GLRX3: variants seen among roughly 807,000 people sequenced by gnomAD.
GLRX3 encodes the protein glutaredoxin-3.
A neutral mutation model predicts 49.5 loss-of-function variants in GLRX3; 22 were observed. That is an observed-to-expected ratio of 0.44 (90% confidence interval 0.32 to 0.63). The LOEUF is 0.63. GLRX3 is among the 30% of genes least tolerant of loss of function. The probability of loss-of-function intolerance (pLI) is 0.05; values close to 1 mark genes in which losing one functional copy is unlikely to be tolerated. For synonymous variants in GLRX3, 133 were observed against 140.0 expected (o/e 0.95, Z 0.35); for missense variants, 385 against 396.3 (o/e 0.97, Z 0.24).
At chr10:130,173,988 A>G (rs1354802307) in intron 8 of GLRX3, among the ~76,000 whole-genome samples, 2 of 152,180 alleles carry the variant, frequency 1.3e-5, no homozygotes, top group Non-Finnish European at 2.9e-5. Context: ...TTGCACCTGT[A>G]CCCTCAGGCA....
chr10:130,154,687 A>G (rs761509522), intron 2 of GLRX3, among the ~76,000 whole-genome samples: 2 of 151,996 alleles, frequency 1.3e-5, no homozygotes, highest in Non-Finnish European at 2.9e-5. Context: ...CAGTGCCATC[A>G]TTGGTAAGTG....
rs147733671 is a variant in GLRX3, at chr10:130,153,081, C to T, written c.202-6914C>T. ...CTTCCATCACTGATATCCTTTTTTC[C>T]GCTTGATCGAATCGGCTATTGAAGC... On this transcript the variant is annotated intron_variant, in intron 2 of 10. Transcript: ENST00000331244. Among the ~76,000 whole-genome samples, 6 of 152,002 alleles carry T rather than the reference C, an allele frequency of 3.9e-5. No individual in the cohort carries two copies. In the East Asian group the frequency reaches 5.8e-4, roughly 15 times the overall value.
chr10:130,149,849 C>A (rs1452248777), intron 2 of GLRX3, among the ~76,000 whole-genome samples: 6 of 145,318 alleles, frequency 4.1e-5, no homozygotes, highest in African/African-American at 1.5e-4. Context: ...TCTATATTGT[C>A]ATTTAATTCC....
chr10:130,173,959 C>T (rs1282339154), intron 8 of GLRX3, among the ~76,000 whole-genome samples: 1 of 152,084 alleles, frequency 6.6e-6, no homozygotes, highest in East Asian at 1.9e-4. Context: ...GTAGCATTTT[C>T]TTTGGCCACC....
intron 2 of GLRX3, among the ~76,000 whole-genome samples, chr10:130,151,376 A>T (rs941428077): frequency 4.6e-5 from 7 of 152,126 alleles, no homozygotes; most frequent in African/African-American, 1.7e-4. Flanking sequence ...ACTTTTTTTT[A>T]AAATTATTAT....
At chr10:130,145,774 A>G (rs1237493577) in intron 2 of GLRX3, among the ~76,000 whole-genome samples, 2 of 152,036 alleles carry the variant, frequency 1.3e-5, no homozygotes, top group Non-Finnish European at 1.5e-5. Flanking sequence ...ATTTTTGCAC[A>G]TCATTCTTAA....
chr10:130,180,023 C>G (rs1377994567), downstream of GLRX3: 1 of 151,482 alleles, frequency 6.6e-6, no homozygotes, highest in Non-Finnish European at 1.5e-5. Context: ...GCACTTTTTT[C>G]ATAAGGTCTA....
At chr10:130,174,267 C>A (rs1037783678) in intron 8 of GLRX3, among the ~76,000 whole-genome samples, 1 of 152,226 alleles carries the variant, frequency 6.6e-6, no homozygotes, top group Non-Finnish European at 1.5e-5. Flanking sequence ...GCTGCTGAGC[C>A]CTCCAGCCTC....
chr10:130,162,677 T>C (rs1173590274), intron 4 of GLRX3, among the ~76,000 whole-genome samples: 2 of 152,202 alleles, frequency 1.3e-5, no homozygotes, highest in Non-Finnish European at 2.9e-5. Context: ...GCAGTCTCAG[T>C]CTTTTCTGAA....
rs149127307 is a variant in GLRX3 at position 130,147,095 on chromosome 10, A to G, written c.201+1776A>G. 2.1e-3 allele frequency among the ~76,000 whole-genome samples: 321 copies of G among 152,342 alleles called. 1 individual carries two copies. Among genetic ancestry groups the G allele is most frequent in the African/African-American group, 7.6e-3 (318 of 41,582 alleles). On this transcript the variant is annotated intron_variant, in intron 2 of 10. Coordinates refer to ENST00000331244, the MANE Select transcript of GLRX3 (RefSeq NM_006541.5). ...TAGGGCAGATGTGAATATAGTGATT[A>G]GCTTTTTAAAATTTAAGGACTTATT... is the stretch of plus-strand genomic sequence containing the variant.
chr10:130,176,520 C>T (rs558199703), intron 10 of GLRX3, among the ~76,000 whole-genome samples: 1 of 152,296 alleles, frequency 6.6e-6, no homozygotes, highest in East Asian at 1.9e-4. Flanking sequence ...AAAAACAAAG[C>T]TTGAGTTCCA....
chr10:130,171,045 T>G (rs919684179), intron 7 of GLRX3, among the ~76,000 whole-genome samples: 1 of 151,918 alleles, frequency 6.6e-6, no homozygotes, highest in African/African-American at 2.4e-5. Flanking sequence ...GGAGAATCGC[T>G]TGAACCTGGG....
At chr10:130,178,367 G>T (rs375219259) in intron 10 of GLRX3, among the ~76,000 whole-genome samples, 1 of 151,916 alleles carries the variant, frequency 6.6e-6, no homozygotes, top group Non-Finnish European at 1.5e-5. Flanking sequence ...CAATTTTCAT[G>T]CCTCAGCCTC....
intron 3 of GLRX3, 50 bp from the exon 4 acceptor site, chr10:130,160,746 T>A (rs1440599037): frequency 9.8e-7 from 1 of 1,025,302 alleles, no homozygotes; most frequent in Non-Finnish European, 1.5e-6. Context: ...TATAACAATG[T>A]CATTATTATG....
At chr10:130,157,646 C>T (rs923009524) in intron 2 of GLRX3, among the ~76,000 whole-genome samples, 30 of 151,784 alleles carry the variant, frequency 2.0e-4, no homozygotes, top group Non-Finnish European at 3.8e-4. Context: ...TCTCTTAACC[C>T]AGTCAAGTTG....
At chr10:130,141,610 T>C (rs1487688235) in intron 1 of GLRX3, among the ~76,000 whole-genome samples, 1 of 152,234 alleles carries the variant, frequency 6.6e-6, no homozygotes, top group African/African-American at 2.4e-5. Flanking sequence ...TCACATATTT[T>C]CAAGCTTCAT....
At chr10:130,172,817 C>T (rs1014551816) in intron 8 of GLRX3, among the ~76,000 whole-genome samples, 2 of 152,060 alleles carry the variant, frequency 1.3e-5, no homozygotes, top group Non-Finnish European at 2.9e-5. Flanking sequence ...TGGCGCACGC[C>T]TATAATCCCA....
Position 130,174,886 on chromosome 10 carries a change from G to A in GLRX3, c.844G>A (p.Asp282Asn), listed in dbSNP as rs751236022. Residue 282 changes from aspartate (D) to asparagine (N), a missense_variant, in exon 9 of 11, where the codon GAT becomes AAT. By Grantham distance (23) the Asp-to-Asn change is conservative (BLOSUM62 1). Coordinates refer to ENST00000331244, the MANE Select transcript of GLRX3 (RefSeq NM_006541.5). The part of the protein sequence containing the change: ...NSTGVEYETF[D>N]ILEDEEVRQG... Reference sequence around the variant, plus strand: ...TTGCAGTGTTGAATATGAAACATTCGATATATTGGAGGATGAAGAAGTAAG... The same window carrying A: ...TTGCAGTGTTGAATATGAAACATTCAATATATTGGAGGATGAAGAAGTAAG... 7 of 1,596,984 alleles carry A rather than the reference G, an allele frequency of 4.4e-6. No homozygotes were observed. The highest frequency in any genetic ancestry group is 1.1e-5 in the South Asian group (1 of 90,690).
intron 1 of GLRX3, among the ~76,000 whole-genome samples, chr10:130,144,105 CACTT>C (rs896238777): frequency 9.9e-5 from 15 of 152,162 alleles, no homozygotes; most frequent in African/African-American, 3.4e-4. Context: ...TCATTTTCAA[CACTT>C]ACTGCTGTTT....
Sources: allele counts gnomAD v4.1 joint callset (sites outside exome capture counted in the v4.1 genomes callset), GRCh38; gene constraint gnomAD v4.1.1; transcripts MANE v1.5; gene names NCBI Gene and HGNC (gene_info 2026-07-23, HGNC 2026-07-21).